ZFHX3: variants seen among roughly 807,000 people sequenced by gnomAD.
The protein encoded by ZFHX3 is zinc finger homeobox protein 3.
ZFHX3 carries 42 observed loss-of-function variants against 279.1 expected under a neutral mutation model. That is an observed-to-expected ratio of 0.15 (90% CI 0.12 to 0.19). The LOEUF is 0.19. Among genes scored for constraint, ZFHX3 ranks in the 10% least tolerant of loss-of-function variants. The pLI is 1.00. For synonymous variants in ZFHX3, 2,293 were observed against 1,957.8 expected (o/e 1.17, Z -4.52); for missense variants, 4,981 against 4,754.0 (o/e 1.05, Z -1.40).
intron 5 of ZFHX3, among the ~76,000 whole-genome samples, chr16:73,158,899 C>T (rs2144854230): frequency 6.6e-6 from 1 of 152,238 alleles, no homozygotes; most frequent in South Asian, 2.1e-4. Flanking sequence ...AAACTGGATC[C>T]CTTCCTTAAA....
intron 1 of ZFHX3, among the ~76,000 whole-genome samples, chr16:73,016,817 G>A (rs1331524436): frequency 1.3e-5 from 2 of 151,898 alleles, no homozygotes; most frequent in African/African-American, 2.4e-5. Context: ...GAGTGGCTCC[G>A]AGCAGAATCT....
At chr16:73,620,253 CA>C (rs985078474) in intron 2 of ZFHX3, among the ~76,000 whole-genome samples, 29 of 152,274 alleles carry the variant, frequency 1.9e-4, no homozygotes, top group African/African-American at 7.0e-4. Context: ...GACAAAAGCA[CA>C]AAAGCACCAG....
chr16:73,268,504 G>C (rs564411957), intron 4 of ZFHX3, among the ~76,000 whole-genome samples: 1 of 152,324 alleles, frequency 6.6e-6, no homozygotes, highest in South Asian at 2.1e-4. Context: ...GCAGGGCATG[G>C]CTCTGAATGG....
intron 1 of ZFHX3, among the ~76,000 whole-genome samples, chr16:72,961,613 C>A (rs74467552): frequency 6.7e-6 from 1 of 150,066 alleles, no homozygotes; most frequent in Admixed American, 6.8e-5. Context: ...TCCCTGACAG[C>A]CCCTATCTTC....
chr16:73,325,323 T>G (rs1228984464), intron 3 of ZFHX3, among the ~76,000 whole-genome samples: 1 of 152,234 alleles, frequency 6.6e-6, no homozygotes, highest in Non-Finnish European at 1.5e-5. Flanking sequence ...AGAGGTGCTC[T>G]GTATTAAGAT....
At chr16:73,456,443 C>G (rs752819933) in intron 2 of ZFHX3, among the ~76,000 whole-genome samples, 4 of 152,114 alleles carry the variant, frequency 2.6e-5, no homozygotes, top group Non-Finnish European at 5.9e-5. Flanking sequence ...AGCAAAAAGA[C>G]GAAGTATCAC....
At chr16:73,415,460 C>T (rs1043446240) in intron 3 of ZFHX3, among the ~76,000 whole-genome samples, 2 of 152,186 alleles carry the variant, frequency 1.3e-5, no homozygotes, top group Non-Finnish European at 2.9e-5. Context: ...ATGGTGGAAA[C>T]ACACACTATG....
At chr16:73,749,561 A>C (rs2142268258) in intron 1 of ZFHX3, among the ~76,000 whole-genome samples, 1 of 152,182 alleles carries the variant, frequency 6.6e-6, no homozygotes, top group South Asian at 2.1e-4. Flanking sequence ...TATTTAAAAA[A>C]CCCCAAAAGA....
chr16:73,497,983 T>C (rs765222157), intron 2 of ZFHX3, among the ~76,000 whole-genome samples: 1 of 152,258 alleles, frequency 6.6e-6, no homozygotes, highest in African/African-American at 2.4e-5. Flanking sequence ...CTTGGTGGTG[T>C]AGCATTTTGC....
chr16:73,583,101 G>A (rs1199692953), intron 2 of ZFHX3, among the ~76,000 whole-genome samples: 1 of 152,192 alleles, frequency 6.6e-6, no homozygotes, highest in African/African-American at 2.4e-5. Flanking sequence ...CTATGGAGAC[G>A]CTGACATGGC....
At chr16:73,081,918 C>A (rs1181642015) in intron 8 of ZFHX3, among the ~76,000 whole-genome samples, 2 of 149,210 alleles carry the variant, frequency 1.3e-5, no homozygotes, top group Non-Finnish European at 1.5e-5. Context: ...CTCACTGCAA[C>A]CTCTGCCTCC....
intron 3 of ZFHX3, among the ~76,000 whole-genome samples, chr16:73,338,344 G>A (rs1446175529): frequency 6.6e-6 from 1 of 152,112 alleles, no homozygotes; most frequent in Non-Finnish European, 1.5e-5. Context: ...TGTTCTCAGA[G>A]CTTCCCCAAC....
At chr16:73,149,141 A>G (rs1309688429) in intron 5 of ZFHX3, among the ~76,000 whole-genome samples, 2 of 148,466 alleles carry the variant, frequency 1.3e-5, no homozygotes, top group Admixed American at 6.7e-5. Flanking sequence ...AATATTATAG[A>G]CTATTATCAA....
intron 5 of ZFHX3, among the ~76,000 whole-genome samples, chr16:73,216,704 G>A (rs368995703): frequency 3.3e-5 from 5 of 152,012 alleles, no homozygotes; most frequent in Non-Finnish European, 5.9e-5. Flanking sequence ...CTGAGCTTGC[G>A]GTGAGCTGAG....
At chr16:73,155,848 A>T (rs181818214) in intron 5 of ZFHX3, among the ~76,000 whole-genome samples, 1 of 139,506 alleles carries the variant, frequency 7.2e-6, no homozygotes, top group East Asian at 2.0e-4. Flanking sequence ...AACAAACTAC[A>T]TGTATATATG....
intron 1 of ZFHX3, among the ~76,000 whole-genome samples, chr16:73,775,732 A>G (rs1959227534): frequency 1.3e-5 from 2 of 152,174 alleles, no homozygotes; most frequent in African/African-American, 4.8e-5. Context: ...GAAATTTGTA[A>G]AAGGCTGCTC....
At chr16:73,460,040 G>T (rs181375166) in intron 2 of ZFHX3, among the ~76,000 whole-genome samples, 41 of 152,282 alleles carry the variant, frequency 2.7e-4, no homozygotes, top group Middle Eastern at 6.8e-3. Context: ...AATCAGGATA[G>T]TGACCTTGAT....
intron 4 of ZFHX3, among the ~76,000 whole-genome samples, chr16:73,261,409 G>A (rs1337898254): frequency 6.6e-6 from 1 of 152,086 alleles, no homozygotes; most frequent in Non-Finnish European, 1.5e-5. Context: ...TGGGTAGCAT[G>A]GGGAACAGAG....
intron 3 of ZFHX3, among the ~76,000 whole-genome samples, chr16:72,898,923 G>C (rs190837172): frequency 2.4e-4 from 36 of 152,148 alleles, no homozygotes; most frequent in African/African-American, 8.7e-4. Context: ...CACAATGGCT[G>C]AGTGAGTGTG....
Sources: gnomAD v4.1 joint callset for allele counts (sites outside exome capture counted in the v4.1 genomes callset) on GRCh38, gnomAD v4.1.1 for gene constraint, MANE v1.5 for transcripts, NCBI Gene and HGNC (gene_info 2026-07-23, HGNC 2026-07-21) for gene names.